The following CBFB variants were observed in gnomAD, a reference collection of about 807,000 sequenced individuals.
CBFB encodes core-binding factor subunit beta.
CBFB carries 9 observed loss-of-function variants against 30.4 expected under a neutral mutation model. That is an observed-to-expected ratio of 0.30 (90% CI 0.18 to 0.52). The LOEUF (loss-of-function observed/expected upper bound fraction) is 0.52, where lower values mean the gene tolerates loss of function less well. Ranked by LOEUF, CBFB falls within the 20% of genes least tolerant of loss-of-function variation. The probability of loss-of-function intolerance (pLI) is 0.97; values close to 1 mark genes in which losing one functional copy is unlikely to be tolerated. For synonymous variants in CBFB, 94 were observed against 84.0 expected (o/e 1.12, Z -0.65); for missense variants, 170 against 244.0 (o/e 0.70, Z 2.02).
At chr16:67,042,036 T>C (rs1365742124) in intron 3 of CBFB, among the ~76,000 whole-genome samples, 1 of 151,954 alleles carries the variant, frequency 6.6e-6, no homozygotes, top group East Asian at 1.9e-4. Context: ...GCCTCCTGTG[T>C]AGCTGGGACC....
chr16:67,030,668 C>T (rs561814885), intron 2 of CBFB, among the ~76,000 whole-genome samples: 3 of 152,184 alleles, frequency 2.0e-5, no homozygotes, highest in African/African-American at 4.8e-5. Flanking sequence ...GGCTCGATCT[C>T]GGGTCACTGC....
In CBFB at chr16:67,054,851, C is replaced by T. The variant is rs559629030; in HGVS notation, c.283-11831C>T. On this transcript the variant is annotated intron_variant, in intron 3 of 5. Coordinates refer to ENST00000412916, the MANE Select transcript of CBFB (RefSeq NM_022845.3). Reference sequence around the variant, plus strand: ...CACTGCAAGCTCCGCCTCCCGGGTTCACGCCATTCTCCTGCCTCAGCCTCC... The same window carrying T: ...CACTGCAAGCTCCGCCTCCCGGGTTTACGCCATTCTCCTGCCTCAGCCTCC... Among the ~76,000 whole-genome samples the T allele has an allele frequency of 2.6e-5, 4 of 152,224 alleles. No homozygotes were observed. The South Asian group carries it at 8.3e-4, about 32-fold the overall frequency.
At chr16:67,047,687 A>T (rs908483123) in intron 3 of CBFB, among the ~76,000 whole-genome samples, 1 of 152,108 alleles carries the variant, frequency 6.6e-6, no homozygotes, top group Non-Finnish European at 1.5e-5. Flanking sequence ...AGAACCCTTT[A>T]AATTTTTTTT....
intron 4 of CBFB, among the ~76,000 whole-genome samples, chr16:67,077,544 TCAG>T (rs1430210905): frequency 6.6e-6 from 1 of 152,242 alleles, no homozygotes; most frequent in Non-Finnish European, 1.5e-5. Context: ...TGATGCTTCT[TCAG>T]CAGATTTATT....
At chr16:67,098,585 C>A in intron 5 of CBFB, 125 bp from the exon 6 acceptor site, 1 of 594,270 alleles carries the variant, frequency 1.7e-6, no homozygotes, top group Admixed American at 2.6e-5. Flanking sequence ...TTACATGTGA[C>A]TATATTGGCT....
At chr16:67,047,763 C>A (rs772253085) in intron 3 of CBFB, among the ~76,000 whole-genome samples, 1 of 152,080 alleles carries the variant, frequency 6.6e-6, no homozygotes, top group Non-Finnish European at 1.5e-5. Flanking sequence ...CTATCCAGAA[C>A]ATTTCTTGGC....
At chr16:67,070,780 G>A (rs1375258891) in intron 4 of CBFB, among the ~76,000 whole-genome samples, 2 of 151,118 alleles carry the variant, frequency 1.3e-5, no homozygotes, top group African/African-American at 2.4e-5. Flanking sequence ...GAACCCAGGA[G>A]GCTGAGATTG....
At chr16:67,039,521 C>T (rs1388191858) in intron 3 of CBFB, among the ~76,000 whole-genome samples, 8 of 152,082 alleles carry the variant, frequency 5.3e-5, no homozygotes, top group Admixed American at 5.2e-4. Context: ...TATGATGTCA[C>T]TAGGCAATAG....
At chr16:67,071,378 G>A (rs1420336440) in intron 4 of CBFB, among the ~76,000 whole-genome samples, 2 of 152,120 alleles carry the variant, frequency 1.3e-5, no homozygotes, top group Non-Finnish European at 2.9e-5. Flanking sequence ...GTGGGGCTCT[G>A]ATCCAGTAGG....
At chr16:67,071,423 GTCTC>G (rs1031196915) in intron 4 of CBFB, among the ~76,000 whole-genome samples, 1 of 152,048 alleles carries the variant, frequency 6.6e-6, no homozygotes, top group Non-Finnish European at 1.5e-5. Flanking sequence ...AGAGCTCTCT[GTCTC>G]TCTCTCTGCC....
chr16:67,085,673 CTT>C (rs764788080), intron 5 of CBFB, among the ~76,000 whole-genome samples: 12 of 115,462 alleles, frequency 1.0e-4, no homozygotes, highest in Non-Finnish European at 1.6e-4. Flanking sequence ...AATTTAGTAT[CTT>C]TTTTTTTTTT....
At chr16:67,073,548 C>G (rs1961295877) in intron 4 of CBFB, among the ~76,000 whole-genome samples, 1 of 152,202 alleles carries the variant, frequency 6.6e-6, no homozygotes, top group Non-Finnish European at 1.5e-5. Flanking sequence ...GAGTTCGAGA[C>G]CAGCCTGGCC....
At chr16:67,036,093 C>A (rs1485668833) in intron 2 of CBFB, among the ~76,000 whole-genome samples, 4 of 152,232 alleles carry the variant, frequency 2.6e-5, no homozygotes, top group African/African-American at 7.2e-5. Context: ...TAAAAATCAT[C>A]TAGGGTTTTA....
chr16:67,094,423 A>AAATCCATGGCTAT (rs1961982625), intron 5 of CBFB, among the ~76,000 whole-genome samples: 1 of 152,274 alleles, frequency 6.6e-6, no homozygotes, highest in Non-Finnish European at 1.5e-5. Flanking sequence ...TATTTTAAAC[A>AAATCCATGGCTAT]AATCCATGGC....
chr16:67,039,902 C>T (rs1966502295), intron 3 of CBFB, among the ~76,000 whole-genome samples: 1 of 152,066 alleles, frequency 6.6e-6, no homozygotes, highest in Admixed American at 6.5e-5. Flanking sequence ...GTATCTTTCC[C>T]TCAGATGTAA....
chr16:67,036,905 AT>A (rs1037819747), intron 3 of CBFB, 150 bp downstream of exon 3: 21,855 of 426,202 alleles, frequency 0.051, no homozygotes, highest in East Asian at 0.068. Flanking sequence ...ATGTAATATA[AT>A]TTTTTTTTTT....
intron 5 of CBFB, among the ~76,000 whole-genome samples, chr16:67,096,794 G>A (rs1034074845): frequency 4.6e-5 from 7 of 151,752 alleles, no homozygotes; most frequent in Admixed American, 6.6e-5. Context: ...CTAACACAAA[G>A]AAACCCCATC....
chr16:67,083,160 C>G (rs1438970400), intron 5 of CBFB, among the ~76,000 whole-genome samples: 1 of 152,134 alleles, frequency 6.6e-6, no homozygotes, highest in African/African-American at 2.4e-5. Context: ...GCCTGGATGA[C>G]AGAGTGAGAT....
intron 4 of CBFB, among the ~76,000 whole-genome samples, chr16:67,071,947 C>T (rs1259457596): frequency 6.6e-6 from 1 of 152,134 alleles, no homozygotes; most frequent in Non-Finnish European, 1.5e-5. Context: ...GCGAGTGAGC[C>T]GGTGGCAGCC....
Sources: gnomAD v4.1 joint callset for allele counts (sites outside exome capture counted in the v4.1 genomes callset) on GRCh38, gnomAD v4.1.1 for gene constraint, MANE v1.5 for transcripts, NCBI Gene and HGNC (gene_info 2026-07-23, HGNC 2026-07-21) for gene names.